The following SV2C variants were observed in gnomAD, a reference collection of about 807,000 sequenced individuals.
The protein encoded by SV2C is synaptic vesicle glycoprotein 2C.
SV2C carries 49 observed loss-of-function variants against 79.7 expected under a neutral mutation model. The observed-to-expected ratio is 0.61, with a 90% CI of 0.49 to 0.78. SV2C has a LOEUF of 0.78. Ranked by LOEUF, SV2C falls within the 30% of genes least tolerant of loss-of-function variation. SV2C has a pLI of 0.00. For missense variants in SV2C, 833 were observed against 912.9 expected, an observed-to-expected ratio of 0.91 and a Z score of 1.13; for synonymous variants, 334 against 333.2, an observed-to-expected ratio of 1.00 and a Z score of -0.03.
At chr5:76,048,947 AAGAGAGAGAAAGAAAAAG>A in the SV2C span, among the ~76,000 whole-genome samples, 1 of 109,840 alleles carries the variant, frequency 9.1e-6, no homozygotes, top group Admixed American at 9.4e-5. Context: ...GAAAGAAAGA[AAGAGAGAGAAAGAAAAAG>A]AGAAAGAAAG....
At chr5:76,253,792 C>T (rs17651478) in intron 4 of SV2C, among the ~76,000 whole-genome samples, 46,982 of 151,130 alleles carry the variant, frequency 0.31, 7,758 homozygotes, top group Non-Finnish European at 0.36. Flanking sequence ...TATTTAATAT[C>T]ACCGAGTCAA....
chr5:76,265,892 A>T (rs1746638970), intron 4 of SV2C, among the ~76,000 whole-genome samples: 1 of 151,450 alleles, frequency 6.6e-6, no homozygotes, highest in African/African-American at 2.4e-5. Context: ...TCACGCTGGG[A>T]GCTGCAGACC....
chr5:76,136,904 T>C (rs1413748096), intron 2 of SV2C, among the ~76,000 whole-genome samples: 1 of 152,200 alleles, frequency 6.6e-6, no homozygotes, highest in Non-Finnish European at 1.5e-5. Flanking sequence ...GTGGATATAT[T>C]GTGAAGACCT....
intron 12 of SV2C, among the ~76,000 whole-genome samples, chr5:76,348,806 C>T (rs372053798): frequency 2.6e-5 from 4 of 151,822 alleles, no homozygotes; most frequent in African/African-American, 9.7e-5. Flanking sequence ...CAAGACCAGC[C>T]TGGCCAAGAT....
At chr5:75,984,857 A>G in the SV2C span, among the ~76,000 whole-genome samples, 1 of 152,052 alleles carries the variant, frequency 6.6e-6, no homozygotes, top group Non-Finnish European at 1.5e-5. Flanking sequence ...TGATTGAATC[A>G]GGCCCACCCA....
the SV2C span, among the ~76,000 whole-genome samples, chr5:75,888,522 T>C: frequency 6.6e-6 from 1 of 152,012 alleles, no homozygotes; most frequent in Non-Finnish European, 1.5e-5. Context: ...CCTTTGCCTC[T>C]CCTGATTCTC....
At chr5:75,914,836 C>A in the SV2C span, among the ~76,000 whole-genome samples, 1 of 152,130 alleles carries the variant, frequency 6.6e-6, no homozygotes, top group African/African-American at 2.4e-5. Flanking sequence ...TTAGTCTGTT[C>A]TCATGCTGCT....
At chr5:76,003,625 G>C in the SV2C span, among the ~76,000 whole-genome samples, 85 of 152,174 alleles carry the variant, frequency 5.6e-4, no homozygotes, top group African/African-American at 2.0e-3. Context: ...ACACTTTAGG[G>C]CTTTAGGGAG....
intron 4 of SV2C, among the ~76,000 whole-genome samples, chr5:76,257,975 G>A (rs1231593620): frequency 6.7e-6 from 1 of 149,988 alleles, no homozygotes; most frequent in African/African-American, 2.5e-5. Flanking sequence ...AACGTGTGGT[G>A]TGTGATAAAT....
At chr5:76,071,846 G>A in the SV2C span, among the ~76,000 whole-genome samples, 1 of 152,176 alleles carries the variant, frequency 6.6e-6, no homozygotes, top group Non-Finnish European at 1.5e-5. Flanking sequence ...CCCTTGAGCA[G>A]GAAAATAATT....
At chr5:75,914,258 A>G in the SV2C span, among the ~76,000 whole-genome samples, 1 of 152,254 alleles carries the variant, frequency 6.6e-6, no homozygotes, top group Non-Finnish European at 1.5e-5. Flanking sequence ...TCATTCATTT[A>G]AACATTTACC....
the SV2C span, among the ~76,000 whole-genome samples, chr5:75,999,083 G>A: frequency 1.3e-5 from 2 of 151,972 alleles, no homozygotes; most frequent in Non-Finnish European, 2.9e-5. Context: ...ACGTGTGCAA[G>A]GGAACTCCTC....
At chr5:75,970,041 A>G in the SV2C span, among the ~76,000 whole-genome samples, 6 of 152,264 alleles carry the variant, frequency 3.9e-5, no homozygotes, top group African/African-American at 1.4e-4. Context: ...GCTCATCTAC[A>G]TGGAAACTGA....
chr5:76,262,586 C>G (rs953893070), intron 4 of SV2C, among the ~76,000 whole-genome samples: 1 of 152,230 alleles, frequency 6.6e-6, no homozygotes, highest in Admixed American at 6.5e-5. Context: ...AAATTTCCCT[C>G]TAAACACTGC....
intron 1 of SV2C, among the ~76,000 whole-genome samples, chr5:76,096,340 G>A (rs1454334323): frequency 6.6e-6 from 1 of 151,996 alleles, no homozygotes; most frequent in Non-Finnish European, 1.5e-5. Flanking sequence ...TGAGAAAAAA[G>A]GAAAACTGTC....
At chr5:75,968,005 TG>T in the SV2C span, among the ~76,000 whole-genome samples, 679 of 152,266 alleles carry the variant, frequency 4.5e-3, 8 homozygotes, top group African/African-American at 0.015. Context: ...GCAGCATTTG[TG>T]GGTTCACCAA....
At chr5:76,171,616 G>GT (rs1311563082) in intron 2 of SV2C, among the ~76,000 whole-genome samples, 1 of 146,090 alleles carries the variant, frequency 6.8e-6, no homozygotes, top group African/African-American at 2.5e-5. Context: ...GGTGGGGGGG[G>GT]GGTCAGCCCC....
intron 12 of SV2C, among the ~76,000 whole-genome samples, chr5:76,324,862 T>A (rs1748940200): frequency 1.3e-5 from 2 of 151,614 alleles, no homozygotes; most frequent in Non-Finnish European, 2.9e-5. Context: ...TCTACAAAAA[T>A]AAAAATAAAA....
the SV2C span, among the ~76,000 whole-genome samples, chr5:76,041,333 C>G: frequency 3.3e-5 from 5 of 152,162 alleles, no homozygotes; most frequent in African/African-American, 1.2e-4. Flanking sequence ...GGCTTTAGCC[C>G]TGTTGCAAAG....
Sources: allele counts gnomAD v4.1 joint callset (sites outside exome capture counted in the v4.1 genomes callset), GRCh38; gene constraint gnomAD v4.1.1; transcripts MANE v1.5; gene names NCBI Gene and HGNC (gene_info 2026-07-23, HGNC 2026-07-21).